OPCML: variants seen among roughly 807,000 people sequenced by gnomAD.
OPCML encodes opioid-binding protein/cell adhesion molecule.
OPCML carries 13 observed loss-of-function variants against 37.8 expected under a neutral mutation model. The observed-to-expected ratio is 0.34, with a 90% CI of 0.22 to 0.55. The LOEUF is 0.55. Among genes scored for constraint, OPCML ranks in the 20% least tolerant of loss-of-function variants. The pLI is 0.91. For synonymous variants in OPCML, 176 were observed against 168.8 expected, an observed-to-expected ratio of 1.04 and a Z score of -0.33; for missense variants, 341 against 435.6, an observed-to-expected ratio of 0.78 and a Z score of 1.93.
intron 1 of OPCML, chr11:133,064,766 G>A (rs12272872): frequency 0.26 from 39,343 of 152,064 alleles, 6,085 homozygotes; most frequent in Admixed American, 0.46. Context: ...GGCGCGGGGC[G>A]GGCCGGCAGT....
intron 2 of OPCML, among the ~76,000 whole-genome samples, chr11:132,813,710 C>G (rs565594197): frequency 1.3e-5 from 2 of 152,188 alleles, no homozygotes; most frequent in Admixed American, 6.5e-5. Flanking sequence ...TATCCCTCAT[C>G]ATTGCCTCTG....
intron 2 of OPCML, among the ~76,000 whole-genome samples, chr11:132,702,078 T>A: frequency 6.6e-6 from 1 of 152,328 alleles, no homozygotes; most frequent in Middle Eastern, 3.4e-3. Flanking sequence ...ACTATTATAC[T>A]AGAGTTAAAA....
At chr11:132,530,800 C>A (rs550299980) in intron 3 of OPCML, among the ~76,000 whole-genome samples, 1 of 152,182 alleles carries the variant, frequency 6.6e-6, no homozygotes, top group Admixed American at 6.5e-5. Context: ...ACATGGCACA[C>A]ACTGGCCCCT....
intron 2 of OPCML, among the ~76,000 whole-genome samples, chr11:132,903,253 C>T (rs1018513652): frequency 1.3e-5 from 2 of 152,156 alleles, no homozygotes; most frequent in African/African-American, 4.8e-5. Flanking sequence ...TTTCCTCCAC[C>T]CTCACAGGCT....
At chr11:133,294,100 A>G (rs756085282) in intron 1 of OPCML, among the ~76,000 whole-genome samples, 2 of 152,080 alleles carry the variant, frequency 1.3e-5, no homozygotes, top group Non-Finnish European at 2.9e-5. Context: ...GATGTGGTGG[A>G]AAGAAGCACC....
intron 2 of OPCML, among the ~76,000 whole-genome samples, chr11:132,700,078 T>C: frequency 6.6e-6 from 1 of 152,070 alleles, no homozygotes; most frequent in Non-Finnish European, 1.5e-5. Flanking sequence ...TTGTTCTTGG[T>C]TATTCAGTTC....
chr11:132,585,841 C>T (rs2096471477), intron 3 of OPCML, among the ~76,000 whole-genome samples: 1 of 152,182 alleles, frequency 6.6e-6, no homozygotes, highest in Non-Finnish European at 1.5e-5. Context: ...GAATCCATTG[C>T]AGGAAACAGA....
intron 2 of OPCML, among the ~76,000 whole-genome samples, chr11:132,811,271 C>T (rs1266745924): frequency 6.6e-6 from 1 of 152,188 alleles, no homozygotes; most frequent in East Asian, 1.9e-4. Context: ...CCAGACATAA[C>T]GATTATTATT....
intron 1 of OPCML, chr11:133,360,331 G>A (rs1944385204): frequency 6.6e-6 from 1 of 152,184 alleles, no homozygotes; most frequent in African/African-American, 2.4e-5. Flanking sequence ...TTCTGACATT[G>A]GAACCATGAA....
At chr11:132,872,507 C>G (rs1255852220) in intron 2 of OPCML, among the ~76,000 whole-genome samples, 1 of 152,096 alleles carries the variant, frequency 6.6e-6, no homozygotes, top group Non-Finnish European at 1.5e-5. Context: ...CCAGGCCTGG[C>G]CCAGTCTGCA....
intron 1 of OPCML, chr11:133,004,591 T>G (rs1195922154): frequency 2.0e-6 from 2 of 985,326 alleles, no homozygotes; most frequent in Middle Eastern, 5.2e-4. Context: ...TGCTGCTCCA[T>G]GCGAAGGGTC....
intron 1 of OPCML, among the ~76,000 whole-genome samples, chr11:133,239,670 C>T (rs1940653115): frequency 6.6e-6 from 1 of 152,204 alleles, no homozygotes; most frequent in African/African-American, 2.4e-5. Context: ...GGTGTGACAT[C>T]CCCACGGAGG....
intron 4 of OPCML, among the ~76,000 whole-genome samples, chr11:132,526,281 T>A (rs1180837750): frequency 6.6e-6 from 1 of 152,288 alleles, no homozygotes; most frequent in East Asian, 1.9e-4. Context: ...TAAAGACATT[T>A]GATTTTACCA....
chr11:133,113,996 C>T (rs1030156583), intron 1 of OPCML, among the ~76,000 whole-genome samples: 3 of 152,198 alleles, frequency 2.0e-5, no homozygotes, highest in Non-Finnish European at 2.9e-5. Context: ...GCTATGATTA[C>T]GCTGTTGTCT....
At chr11:133,094,145 CTG>C (rs1163611540) in intron 1 of OPCML, among the ~76,000 whole-genome samples, 1 of 152,002 alleles carries the variant, frequency 6.6e-6, no homozygotes, top group Non-Finnish European at 1.5e-5. Context: ...AATTATGTAC[CTG>C]TACTGAGTGA....
intron 1 of OPCML, among the ~76,000 whole-genome samples, chr11:133,399,559 T>C (rs892463803): frequency 6.6e-6 from 1 of 152,280 alleles, no homozygotes; most frequent in South Asian, 2.1e-4. Flanking sequence ...ACAGCCTGTC[T>C]GTGAATCCTC....
intron 1 of OPCML, among the ~76,000 whole-genome samples, chr11:133,149,978 T>C (rs1949954647): frequency 6.6e-6 from 1 of 152,170 alleles, no homozygotes; most frequent in Non-Finnish European, 1.5e-5. Flanking sequence ...GGTGCTTGTG[T>C]TCTCCCAGAA....
At chr11:132,575,486 A>G (rs906376460) in intron 3 of OPCML, among the ~76,000 whole-genome samples, 50 of 152,070 alleles carry the variant, frequency 3.3e-4, no homozygotes, top group Non-Finnish European at 6.6e-4. Context: ...ATTTAAGCTG[A>G]TAACAACTTA....
chr11:133,396,155 A>T (rs538121692), intron 1 of OPCML, among the ~76,000 whole-genome samples: 50 of 143,446 alleles, frequency 3.5e-4, no homozygotes, highest in African/African-American at 1.2e-3. Flanking sequence ...AAATAGGATT[A>T]CTTTTTTTTT....
Sources: allele counts gnomAD v4.1 joint callset (sites outside exome capture counted in the v4.1 genomes callset), GRCh38; gene constraint gnomAD v4.1.1; transcripts MANE v1.5; gene names NCBI Gene and HGNC (gene_info 2026-07-23, HGNC 2026-07-21).